Variants in GNAT3 observed in about 807,000 individuals in gnomAD.
The protein encoded by GNAT3 is G protein subunit alpha transducin 3.
Under a neutral mutation model 37.7 loss-of-function variants are expected in GNAT3, and 31 were observed. The ratio of observed to expected loss-of-function variants is 0.82; its 90% CI spans 0.62 to 1.11. GNAT3 has a LOEUF of 1.11. Among genes scored for constraint, GNAT3 ranks in the 50% most tolerant of loss-of-function variants. The pLI, the probability that GNAT3 is intolerant of heterozygous loss-of-function variation, is 0.00. For synonymous variants in GNAT3, 138 were observed against 139.8 expected (o/e 0.99, Z 0.09); for missense variants, 437 against 412.5 (o/e 1.06, Z -0.51).
chr7:80,503,560 AATAGAG>A (rs1213703615), intron 1 of GNAT3, among the ~76,000 whole-genome samples: 3 of 152,222 alleles, frequency 2.0e-5, no homozygotes, highest in Non-Finnish European at 4.4e-5. Context: ...GATTTATGCC[AATAGAG>A]ATAGAGCTAA....
At chr7:80,503,462 C>T (rs1032205555) in intron 1 of GNAT3, among the ~76,000 whole-genome samples, 1 of 152,164 alleles carries the variant, frequency 6.6e-6, no homozygotes, top group Admixed American at 6.5e-5. Context: ...TCATTTTCTT[C>T]TTATCTATAT....
intron 1 of GNAT3, among the ~76,000 whole-genome samples, chr7:80,495,632 G>A (rs10280109): frequency 0.12 from 18,021 of 151,814 alleles, 1,238 homozygotes; most frequent in African/African-American, 0.19. Flanking sequence ...ACCATGCCTG[G>A]CTAATTTTTT....
chr7:80,466,362 TTC>T (rs1790131071), intron 5 of GNAT3, among the ~76,000 whole-genome samples: 1 of 152,170 alleles, frequency 6.6e-6, no homozygotes, highest in African/African-American at 2.4e-5. Context: ...GATATTTGTA[TTC>T]TTTTAGTCAC....
At chr7:80,460,616 C>T (rs1008801412) in intron 7 of GNAT3, among the ~76,000 whole-genome samples, 3 of 151,990 alleles carry the variant, frequency 2.0e-5, no homozygotes, top group Admixed American at 6.6e-5. Context: ...GGCGTGGTGG[C>T]GTGCACCTGT....
intron 3 of GNAT3, among the ~76,000 whole-genome samples, chr7:80,484,031 G>A (rs997679450): frequency 1.3e-5 from 2 of 151,950 alleles, no homozygotes; most frequent in African/African-American, 4.8e-5. Flanking sequence ...ATGAAGGTTT[G>A]TTACATAGGT....
chr7:80,461,849 A>G (rs1235359324), intron 7 of GNAT3, among the ~76,000 whole-genome samples: 1 of 152,212 alleles, frequency 6.6e-6, no homozygotes, highest in Non-Finnish European at 1.5e-5. Context: ...AATTTCGAAT[A>G]AGATTTGCAT....
intron 3 of GNAT3, among the ~76,000 whole-genome samples, chr7:80,483,008 C>T (rs1265109309): frequency 1.3e-5 from 2 of 151,866 alleles, no homozygotes; most frequent in African/African-American, 4.8e-5. Flanking sequence ...GTCTCCAGAC[C>T]TTTTACTTTT....
At chr7:80,486,205 A>G (rs1383805758) in intron 3 of GNAT3, among the ~76,000 whole-genome samples, 1 of 152,164 alleles carries the variant, frequency 6.6e-6, no homozygotes, top group African/African-American at 2.4e-5. Flanking sequence ...AAATCAAAAT[A>G]TGAACTATGT....
intron 1 of GNAT3, among the ~76,000 whole-genome samples, chr7:80,497,601 CAT>C (rs1790749785): frequency 8.6e-6 from 1 of 115,634 alleles, no homozygotes; most frequent in African/African-American, 4.5e-5. Context: ...TACGTATATA[CAT>C]ATACGTATAT....
chr7:80,478,518 G>T (rs1790341384), intron 4 of GNAT3, among the ~76,000 whole-genome samples: 1 of 152,152 alleles, frequency 6.6e-6, no homozygotes, highest in Non-Finnish European at 1.5e-5. Flanking sequence ...ACCTCAGTGT[G>T]CATGTCACCA....
intron 5 of GNAT3, among the ~76,000 whole-genome samples, chr7:80,469,569 TATG>T (rs1790175877): frequency 6.6e-6 from 1 of 152,174 alleles, no homozygotes; most frequent in African/African-American, 2.4e-5. Context: ...GATACACAAT[TATG>T]ATACAGTACA....
intron 7 of GNAT3, among the ~76,000 whole-genome samples, chr7:80,461,464 A>G (rs1790049274): frequency 6.6e-6 from 1 of 152,098 alleles, no homozygotes; most frequent in Admixed American, 6.6e-5. Flanking sequence ...CAGGGGAATC[A>G]TTTGAACCCA....
intron 3 of GNAT3, among the ~76,000 whole-genome samples, chr7:80,486,836 A>G (rs1226932760): frequency 6.6e-6 from 1 of 151,904 alleles, no homozygotes; most frequent in Non-Finnish European, 1.5e-5. Flanking sequence ...TCTATGAAAG[A>G]CACAGTCTAT....
chr7:80,486,045 T>C (rs1372827047), intron 3 of GNAT3, among the ~76,000 whole-genome samples: 1 of 152,180 alleles, frequency 6.6e-6, no homozygotes, highest in South Asian at 2.1e-4. Context: ...AAATAAATAA[T>C]TGAGAGCTAA....
intron 5 of GNAT3, among the ~76,000 whole-genome samples, chr7:80,471,409 A>G (rs114818242): frequency 0.016 from 2,382 of 151,916 alleles, 61 homozygotes; most frequent in African/African-American, 0.054. Context: ...CATAATTTTC[A>G]AAATTTTATG....
At chr7:80,460,345 CAG>C (rs547691602) in intron 7 of GNAT3, among the ~76,000 whole-genome samples, 3 of 152,210 alleles carry the variant, frequency 2.0e-5, no homozygotes, top group Non-Finnish European at 2.9e-5. Flanking sequence ...TGGGGGAACA[CAG>C]GGGATTTTTA....
chr7:80,503,969 T>A (rs983922705), intron 1 of GNAT3, among the ~76,000 whole-genome samples: 1 of 152,192 alleles, frequency 6.6e-6, no homozygotes, highest in South Asian at 2.1e-4. Context: ...CAAGCTTCAA[T>A]GAAGAGAGGA....
intron 1 of GNAT3, among the ~76,000 whole-genome samples, chr7:80,502,512 A>G (rs1234590912): frequency 2.6e-5 from 4 of 152,102 alleles, no homozygotes; most frequent in African/African-American, 9.6e-5. Context: ...TAGTATAAAT[A>G]CATATTGCAA....
At chr7:80,507,705 T>C (rs534668412) in intron 1 of GNAT3, among the ~76,000 whole-genome samples, 2 of 152,170 alleles carry the variant, frequency 1.3e-5, no homozygotes, top group East Asian at 3.9e-4. Context: ...ATTCTCCTCA[T>C]TCTGCTGCAT....
Sources: allele counts gnomAD v4.1 joint callset (sites outside exome capture counted in the v4.1 genomes callset), GRCh38; gene constraint gnomAD v4.1.1; transcripts MANE v1.5; gene names NCBI Gene and HGNC (gene_info 2026-07-23, HGNC 2026-07-21).